The following ERC2 variants were observed in gnomAD, a reference collection of about 807,000 sequenced individuals.
The protein encoded by ERC2 is ELKS/RAB6-interacting/CAST family member 2.
A neutral mutation model predicts 114.8 loss-of-function variants in ERC2; 42 were observed. That is an observed-to-expected ratio of 0.37 (90% CI 0.29 to 0.47). The LOEUF is 0.47. Among genes scored for constraint, ERC2 ranks in the 20% least tolerant of loss-of-function variants. ERC2 has a pLI of 0.99. For synonymous variants in ERC2, 454 were observed against 425.5 expected (o/e 1.07, Z -0.82); for missense variants, 939 against 1,150.7 (o/e 0.82, Z 2.66).
chr3:55,947,868 C>CAATAAAAAACAATAAAAAA (rs1365052099), intron 13 of ERC2, among the ~76,000 whole-genome samples: 1 of 152,166 alleles, frequency 6.6e-6, no homozygotes, highest in Non-Finnish European at 1.5e-5. Context: ...GCAGAAAGAA[C>CAATAAAAAACAATAAAAAA]CAGACATCAT....
chr3:55,950,290 T>G (rs907326943), intron 13 of ERC2, 135 bp downstream of exon 13: 47 of 1,061,378 alleles, frequency 4.4e-5, no homozygotes, highest in Non-Finnish European at 4.0e-6. Context: ...ACCTACTGGG[T>G]TCCCTGTTAG....
intron 7 of ERC2, among the ~76,000 whole-genome samples, chr3:56,040,991 G>A (rs1185505870): frequency 6.6e-6 from 1 of 151,644 alleles, no homozygotes; most frequent in African/African-American, 2.4e-5. Flanking sequence ...AAATGAACTT[G>A]TAATCACTCA....
rs182350093 is a variant in ERC2, at chr3:56,351,993, T to C, written c.658-55558A>G. ...CTTCTTGGATGTGACATGTGAGTCT[T>C]GAAGTGGAGAATAACCAAGGAAAGA... On this transcript the variant is annotated intron_variant, in intron 2 of 17. Coordinates refer to ENST00000288221, the MANE Select transcript of ERC2 (RefSeq NM_015576.3). Among the ~76,000 whole-genome samples, 338 of 152,194 alleles carry C rather than the reference T, an allele frequency of 2.2e-3. 2 individuals carry two copies. The highest frequency in any genetic ancestry group is 7.9e-3 in the African/African-American group (326 of 41,528).
chr3:56,367,945 TAA>T lies in ERC2; in HGVS notation c.657+66404_657+66405del, dbSNP rs56372235. ...GCCCAGGAGAGACTCCATCTCTCTT[TAA>T]AAAAAAAAAAAAAAAAAAAGTGTAA... is the stretch of plus-strand genomic sequence containing the variant. On this transcript the variant is annotated intron_variant, in intron 2 of 17. Transcript: ENST00000288221. 4.9e-3 allele frequency among the ~76,000 whole-genome samples: 573 copies of T among 118,044 alleles called. 2 individuals carry two copies. Among genetic ancestry groups the T allele is most frequent in the African/African-American group, 0.011 (344 of 31,324 alleles). 77.4% of individuals were successfully genotyped at this position (118,044 alleles called of 152,430 possible).
intron 3 of ERC2, among the ~76,000 whole-genome samples, chr3:56,285,074 T>C (rs1169963353): frequency 1.3e-5 from 2 of 148,976 alleles, no homozygotes; most frequent in Non-Finnish European, 3.0e-5. Flanking sequence ...CACACTCTTA[T>C]GTTTCTTTTT....
At chr3:55,548,841 A>C (rs72870409) in intron 17 of ERC2, among the ~76,000 whole-genome samples, 1,974 of 152,296 alleles carry the variant, frequency 0.013, 42 homozygotes, top group African/African-American at 0.045. Flanking sequence ...TCCTGGGTCA[A>C]CTAAAGAGAC....
At chr3:55,830,382 A>G (rs1289020240) in intron 14 of ERC2, among the ~76,000 whole-genome samples, 1 of 152,240 alleles carries the variant, frequency 6.6e-6, no homozygotes, top group Non-Finnish European at 1.5e-5. Flanking sequence ...AGGACATTCA[A>G]CAGCAACTGC....
intron 2 of ERC2, among the ~76,000 whole-genome samples, chr3:56,394,283 T>C (rs2060228045): frequency 6.6e-6 from 1 of 152,202 alleles, no homozygotes; most frequent in East Asian, 1.9e-4. Flanking sequence ...AATTTTCTTG[T>C]TGAAAATTCA....
chr3:56,258,241 G>C (rs1488727314), intron 3 of ERC2, among the ~76,000 whole-genome samples: 1 of 148,598 alleles, frequency 6.7e-6, no homozygotes, highest in Non-Finnish European at 1.5e-5. Context: ...TAAAGGGCCA[G>C]ATAATAAATA....
At chr3:55,636,210 T>G (rs531353098) in intron 17 of ERC2, among the ~76,000 whole-genome samples, 3 of 152,334 alleles carry the variant, frequency 2.0e-5, no homozygotes, top group Admixed American at 6.5e-5. Context: ...ATTTTCAACA[T>G]TTTAATCTTT....
chr3:55,675,903 C>CTTTTTTTTTTTTTTTTT (rs869296098), intron 17 of ERC2, among the ~76,000 whole-genome samples: 613 of 47,996 alleles, frequency 0.013, 118 homozygotes, highest in South Asian at 0.021. Context: ...TCTTTTCTTT[C>CTTTTTTTTTTTTTTTTT]TTTTTTTTTT....
intron 2 of ERC2, among the ~76,000 whole-genome samples, chr3:56,427,641 G>A (rs1576911939): frequency 6.6e-6 from 1 of 152,242 alleles, no homozygotes; most frequent in African/African-American, 2.4e-5. Context: ...ATGAAAAGGA[G>A]AAATTTGGAT....
intron 7 of ERC2, among the ~76,000 whole-genome samples, chr3:56,041,601 C>G (rs1016283502): frequency 6.6e-6 from 1 of 152,136 alleles, no homozygotes; most frequent in East Asian, 1.9e-4. Flanking sequence ...TCCACCTTTC[C>G]TCTCTCACTT....
At chr3:55,922,928 G>A (rs530727746) in intron 13 of ERC2, among the ~76,000 whole-genome samples, 132 of 152,188 alleles carry the variant, frequency 8.7e-4, no homozygotes, top group African/African-American at 2.5e-3. Flanking sequence ...GTGCATTGCC[G>A]GTGAAAAAGC....
At chr3:55,809,520 T>C (rs575712172) in intron 14 of ERC2, among the ~76,000 whole-genome samples, 1 of 152,168 alleles carries the variant, frequency 6.6e-6, no homozygotes. Context: ...GACAAGGGAC[T>C]GATATCCAGA....
In ERC2 at chr3:55,854,591, G is replaced by A. The variant is rs529877656; in HGVS notation, c.2564+33798C>T. ...GGCCCCCTGATTTAAGAGTCTTCTC[G>A]TGTGAAATGCATCCAGCCCAGATCC... On this transcript the variant is annotated intron_variant, in intron 14 of 17. Coordinates refer to ENST00000288221, the MANE Select transcript of ERC2 (RefSeq NM_015576.3). Among the ~76,000 whole-genome samples the A allele has an allele frequency of 1.1e-4, 16 of 152,254 alleles. No homozygotes were observed. In the South Asian group the frequency reaches 2.7e-3, roughly 26 times the overall value.
chr3:55,649,195 C>T (rs1386264904), intron 17 of ERC2, among the ~76,000 whole-genome samples: 3 of 151,988 alleles, frequency 2.0e-5, no homozygotes, highest in African/African-American at 7.3e-5. Flanking sequence ...ACATCAAAAG[C>T]TCTGAGAAGT....
intron 3 of ERC2, among the ~76,000 whole-genome samples, chr3:56,207,658 C>T (rs949854352): frequency 1.4e-4 from 22 of 152,034 alleles, no homozygotes; most frequent in Admixed American, 1.4e-3. Context: ...AAGAAAAAAA[C>T]CTTTTAAAAA....
intron 3 of ERC2, among the ~76,000 whole-genome samples, chr3:56,206,216 CACACTCACAT>C (rs918185072): frequency 3.9e-5 from 6 of 151,966 alleles, no homozygotes; most frequent in African/African-American, 1.5e-4. Context: ...CACACACACA[CACACTCACAT>C]ACACACCAAG....
Sources: allele counts gnomAD v4.1 joint callset (sites outside exome capture counted in the v4.1 genomes callset), GRCh38; gene constraint gnomAD v4.1.1; transcripts MANE v1.5; gene names NCBI Gene and HGNC (gene_info 2026-07-23, HGNC 2026-07-21).